The following LEPR variants were observed in gnomAD, a reference collection of about 807,000 sequenced individuals.
The protein encoded by LEPR is OB receptor.
A neutral mutation model predicts 114.7 loss-of-function variants in LEPR; 56 were observed. That is an observed-to-expected ratio of 0.49 (90% CI 0.39 to 0.61). The LOEUF (loss-of-function observed/expected upper bound fraction) is 0.61. Ranked by LOEUF, LEPR falls within the 20% of genes least tolerant of loss-of-function variation. LEPR has a pLI of 0.00. For missense variants in LEPR, 1,202 were observed against 1,352.9 expected (o/e 0.89, Z 1.75); for synonymous variants, 443 against 461.4 (o/e 0.96, Z 0.51).
chr1:65,615,271 A>G (rs1268737869), intron 14 of LEPR, among the ~76,000 whole-genome samples: 2 of 152,190 alleles, frequency 1.3e-5, no homozygotes, highest in African/African-American at 4.8e-5. Flanking sequence ...GATTGCCAGC[A>G]TTTAATCTTA....
intron 2 of LEPR, among the ~76,000 whole-genome samples, chr1:65,523,432 C>T (rs1649738108): frequency 6.6e-6 from 1 of 151,898 alleles, no homozygotes; most frequent in South Asian, 2.1e-4. Context: ...TGCCTCAGGC[C>T]CCCAAGTAGC....
intron 6 of LEPR, among the ~76,000 whole-genome samples, chr1:65,595,820 C>T (rs938047319): frequency 3.3e-5 from 5 of 151,948 alleles, no homozygotes; most frequent in Non-Finnish European, 7.4e-5. Flanking sequence ...ATCAGGAATC[C>T]AAGTATAAAT....
chr1:65,497,423 A>T (rs1409018759), intron 2 of LEPR, among the ~76,000 whole-genome samples: 4 of 152,154 alleles, frequency 2.6e-5, no homozygotes, highest in African/African-American at 9.7e-5. Flanking sequence ...CCAAGTTTTT[A>T]CTTGGCTGGA....
intron 2 of LEPR, among the ~76,000 whole-genome samples, chr1:65,496,786 A>G (rs1255678845): frequency 1.3e-5 from 2 of 152,038 alleles, no homozygotes; most frequent in African/African-American, 4.8e-5. Context: ...AATGAGCCCC[A>G]TTGCCAGATA....
In LEPR at chr1:65,572,398, T is replaced by G; in HGVS notation, c.443T>G (p.Phe148Cys). Residue 148 changes from phenylalanine to cysteine, a missense_variant, in exon 5 of 20, where the codon TTT (phenylalanine) becomes TGT (cysteine). By Grantham distance (205) the Phe-to-Cys change is radical (BLOSUM62 -2). Coordinates refer to ENST00000349533, the MANE Select transcript of LEPR (RefSeq NM_002303.6). ...KLFICYVESL[F>C]KNLFRNYNYK... ...TTCATCTGTTATGTGGAGTCATTAT[T>G]TAAGAATCTATTCAGGAATTATAAC... 1 of 1,604,724 alleles carries G rather than the reference T, an allele frequency of 6.2e-7. No homozygotes were observed. Among genetic ancestry groups the G allele is most frequent in the East Asian group, 2.2e-5 (1 of 44,566 alleles).
chr1:65,583,773 T>C (rs1050973814), intron 5 of LEPR, among the ~76,000 whole-genome samples: 1 of 151,206 alleles, frequency 6.6e-6, no homozygotes, highest in African/African-American at 2.4e-5. Context: ...AAAGAAAAAA[T>C]AGTCAATAGA....
At chr1:65,460,122 T>A (rs1299267946) in intron 2 of LEPR, among the ~76,000 whole-genome samples, 1 of 151,936 alleles carries the variant, frequency 6.6e-6, no homozygotes, top group East Asian at 1.9e-4. Flanking sequence ...CAGACCATAA[T>A]CTATATTACA....
Position 65,638,717 on chromosome 1 carries a change from T to G in LEPR, c.*1702T>G, listed in dbSNP as rs1358091894. The G allele has an allele frequency of 1.3e-5, 2 of 152,190 alleles. No individual in the cohort carries two copies. Among genetic ancestry groups the G allele is most frequent in the Non-Finnish European group, 2.9e-5 (2 of 68,034 alleles). 9.4% of individuals were successfully genotyped at this position (152,190 alleles called of 1,614,324 possible). A position where few individuals can be genotyped will look rare whatever the true frequency, so the allele number is the denominator to read the frequency against. ...CAGGAATCAATAAAGTTATTCCATG[T>G]CATAAGTATTTTTAAGATGTCTCAG... On this transcript the variant is annotated 3_prime_UTR_variant, in exon 20 of 20. Transcript: ENST00000349533.
At position 65,618,028 on chromosome 1, in the gene LEPR, A is replaced by G; in HGVS notation, c.2277A>G (p.Ile759Met). 6.2e-7 allele frequency: 1 copy of G among 1,613,120 alleles called. No homozygotes were observed. The highest frequency in any genetic ancestry group is 8.5e-7 in the Non-Finnish European group (1 of 1,179,562). Reference sequence around the variant, plus strand: ...GCAGTTGTGTGATTGTTTCCTGGATACTATCACCCAGTGATTACAAGCTAA... The same window carrying G: ...GCAGTTGTGTGATTGTTTCCTGGATGCTATCACCCAGTGATTACAAGCTAA... ...LNSSCVIVSW[I>M]LSPSDYKLMY... The change falls in exon 16 of 20, where the codon ATA becomes ATG. Residue 759 changes from isoleucine (I) to methionine (M), a missense_variant. Coordinates refer to ENST00000349533, the MANE Select transcript of LEPR (RefSeq NM_002303.6).
intron 2 of LEPR, among the ~76,000 whole-genome samples, chr1:65,427,011 A>T (rs1646389645): frequency 1.3e-5 from 2 of 148,178 alleles, no homozygotes; most frequent in Non-Finnish European, 3.0e-5. Flanking sequence ...AAAAAAAAAA[A>T]GATGATGATG....
At chr1:65,548,904 C>G (rs138947458) in intron 2 of LEPR, among the ~76,000 whole-genome samples, 1 of 152,078 alleles carries the variant, frequency 6.6e-6, no homozygotes, top group Non-Finnish European at 1.5e-5. Context: ...TTCCTAGCCT[C>G]GAAGGTCTTT....
intron 10 of LEPR, among the ~76,000 whole-genome samples, chr1:65,604,329 TTTTAA>T (rs1303764035): frequency 1.3e-5 from 2 of 152,098 alleles, no homozygotes; most frequent in Non-Finnish European, 2.9e-5. Context: ...ATTTTATTTA[TTTTAA>T]TTTAATTTAA....
intron 2 of LEPR, among the ~76,000 whole-genome samples, chr1:65,466,993 G>A (rs920740685): frequency 6.6e-6 from 1 of 151,980 alleles, no homozygotes; most frequent in Non-Finnish European, 1.5e-5. Context: ...TTTAGCTCGG[G>A]GAAGTTTGTT....
chr1:65,526,289 A>AC (rs1273592373), intron 2 of LEPR: 1 of 984,936 alleles, frequency 1.0e-6, no homozygotes, highest in Non-Finnish European at 1.2e-6. Context: ...TTTGTTTCCC[A>AC]CCTCCCCCCT....
intron 8 of LEPR, 86 bp downstream of exon 8, chr1:65,598,890 A>G: frequency 1.3e-6 from 2 of 1,585,774 alleles, no homozygotes; most frequent in Non-Finnish European, 8.6e-7. Flanking sequence ...TTACATTTTG[A>G]GGCCTTAAAA....
intron 2 of LEPR, among the ~76,000 whole-genome samples, chr1:65,460,324 C>T (rs971369467): frequency 6.6e-6 from 1 of 152,096 alleles, no homozygotes; most frequent in African/African-American, 2.4e-5. Context: ...GATCACAGTG[C>T]TCTGATTGTC....
chr1:65,627,082 T>C (rs1658262698), intron 19 of LEPR, among the ~76,000 whole-genome samples: 2 of 152,214 alleles, frequency 1.3e-5, no homozygotes, highest in South Asian at 4.1e-4. Flanking sequence ...TATTTTCTGA[T>C]GATAAAACTG....
intron 2 of LEPR, among the ~76,000 whole-genome samples, chr1:65,531,407 CT>C (rs1650386123): frequency 1.3e-5 from 2 of 151,246 alleles, no homozygotes; most frequent in Non-Finnish European, 2.9e-5. Context: ...TTTTCCTTTC[CT>C]TTCCTTTCCT....
At chr1:65,421,396 T>C (rs972124351) in intron 1 of LEPR, 4 of 1,535,986 alleles carry the variant, frequency 2.6e-6, no homozygotes, top group Non-Finnish European at 2.6e-6. Flanking sequence ...CCGCGTCCCT[T>C]ATCTGTATGG....
Sources: gnomAD v4.1 joint callset for allele counts (sites outside exome capture counted in the v4.1 genomes callset) on GRCh38, gnomAD v4.1.1 for gene constraint, MANE v1.5 for transcripts, NCBI Gene and HGNC (gene_info 2026-07-23, HGNC 2026-07-21) for gene names.